Variants in TAFA1 observed in about 807,000 individuals in gnomAD.
The protein encoded by TAFA1 is TAFA chemokine like family member 1.
A neutral mutation model predicts 18.5 loss-of-function variants in TAFA1; 4 were observed. That is an observed-to-expected ratio of 0.22 (90% CI 0.11 to 0.49). The LOEUF is 0.49. Ranked by LOEUF, TAFA1 falls within the 20% of genes least tolerant of loss-of-function variation. The probability of loss-of-function intolerance (pLI) is 0.98; values close to 1 mark genes in which losing one functional copy is unlikely to be tolerated. For synonymous variants in TAFA1, 56 were observed against 55.2 expected, an observed-to-expected ratio of 1.01 and a Z score of -0.06; for missense variants, 147 against 169.0, an observed-to-expected ratio of 0.87 and a Z score of 0.72.
intron 2 of TAFA1, among the ~76,000 whole-genome samples, chr3:68,203,343 C>T (rs1306664638): frequency 6.6e-6 from 1 of 151,594 alleles, no homozygotes; most frequent in African/African-American, 2.4e-5. Flanking sequence ...TGGTGTCTGA[C>T]ATTAATTTGA....
At chr3:68,510,885 T>C (rs2072836197) in intron 3 of TAFA1, among the ~76,000 whole-genome samples, 1 of 152,162 alleles carries the variant, frequency 6.6e-6, no homozygotes, top group East Asian at 1.9e-4. Context: ...GCAAGTTAAT[T>C]TTCTTGTTTG....
chr3:68,127,227 C>T (rs1290447934), intron 2 of TAFA1, among the ~76,000 whole-genome samples: 1 of 152,024 alleles, frequency 6.6e-6, no homozygotes, highest in Non-Finnish European at 1.5e-5. Flanking sequence ...TATAGATAAA[C>T]TTTAAAAAGA....
intron 2 of TAFA1, among the ~76,000 whole-genome samples, chr3:68,260,836 A>T (rs1403457221): frequency 1.3e-5 from 2 of 152,178 alleles, no homozygotes; most frequent in Non-Finnish European, 2.9e-5. Flanking sequence ...AACCTAGGCA[A>T]TACCATTCAG....
intron 2 of TAFA1, among the ~76,000 whole-genome samples, chr3:68,379,166 G>A (rs2106662195): frequency 6.6e-6 from 1 of 152,226 alleles, no homozygotes; most frequent in South Asian, 2.1e-4. Flanking sequence ...AACCATGCTA[G>A]CATCTGTTAT....
At chr3:68,402,233 T>C (rs1559653379) in intron 2 of TAFA1, among the ~76,000 whole-genome samples, 1 of 152,114 alleles carries the variant, frequency 6.6e-6, no homozygotes, top group Non-Finnish European at 1.5e-5. Context: ...TGCTCATTGA[T>C]TCATGCAAAC....
intron 2 of TAFA1, among the ~76,000 whole-genome samples, chr3:68,015,299 T>TC (rs1704547158): frequency 6.6e-6 from 1 of 151,566 alleles, no homozygotes. Flanking sequence ...TTCCTTTTTT[T>TC]TTTTGAGACG....
At chr3:68,015,355 C>T (rs963084818) in intron 2 of TAFA1, among the ~76,000 whole-genome samples, 2 of 149,886 alleles carry the variant, frequency 1.3e-5, no homozygotes, top group Non-Finnish European at 2.9e-5. Flanking sequence ...GGCATGCTCT[C>T]GGCTCACTGC....
At chr3:68,086,318 A>AT (rs1425181192) in intron 2 of TAFA1, among the ~76,000 whole-genome samples, 1 of 152,202 alleles carries the variant, frequency 6.6e-6, no homozygotes, top group Non-Finnish European at 1.5e-5. Context: ...ACTGTGTAGA[A>AT]TACAGGGTAT....
At chr3:68,067,997 C>T (rs2064704045) in intron 2 of TAFA1, among the ~76,000 whole-genome samples, 1 of 152,254 alleles carries the variant, frequency 6.6e-6, no homozygotes. Flanking sequence ...TGTCGGCCTC[C>T]ATAACACTCC....
chr3:68,190,223 G>A (rs1234322810), intron 2 of TAFA1, among the ~76,000 whole-genome samples: 1 of 151,796 alleles, frequency 6.6e-6, no homozygotes, highest in East Asian at 1.9e-4. Flanking sequence ...TTACCCTGTA[G>A]TGAAAGAGAT....
intron 2 of TAFA1, among the ~76,000 whole-genome samples, chr3:68,319,692 TC>T (rs1299794417): frequency 6.6e-6 from 1 of 152,168 alleles, no homozygotes; most frequent in Non-Finnish European, 1.5e-5. Context: ...CTTTTTCATG[TC>T]CCCATCCCAA....
chr3:68,307,375 C>G (rs1264367149), intron 2 of TAFA1, among the ~76,000 whole-genome samples: 5 of 152,134 alleles, frequency 3.3e-5, no homozygotes, highest in Non-Finnish European at 7.4e-5. Context: ...CATCCCATTG[C>G]TGGTCTAGAG....
intron 2 of TAFA1, among the ~76,000 whole-genome samples, chr3:68,165,589 C>T (rs1313670365): frequency 1.3e-5 from 2 of 152,200 alleles, no homozygotes; most frequent in Non-Finnish European, 2.9e-5. Flanking sequence ...CTCAAATTGC[C>T]TAAAGTCTGT....
At chr3:68,466,792 G>C (rs531723677) in intron 3 of TAFA1, among the ~76,000 whole-genome samples, 5 of 152,154 alleles carry the variant, frequency 3.3e-5, no homozygotes, top group African/African-American at 4.8e-5. Flanking sequence ...TTCAACGTAG[G>C]TTCTTTTCTA....
chr3:68,002,824 T>C (rs1704298600), upstream of TAFA1, among the ~76,000 whole-genome samples: 1 of 151,818 alleles, frequency 6.6e-6, no homozygotes, highest in Non-Finnish European at 1.5e-5. Context: ...ACATTCCCCA[T>C]CTGTGAAACA....
At chr3:68,126,237 C>T (rs1216850237) in intron 2 of TAFA1, among the ~76,000 whole-genome samples, 1 of 152,182 alleles carries the variant, frequency 6.6e-6, no homozygotes, top group African/African-American at 2.4e-5. Context: ...CTCCCCAGTG[C>T]CTACCACAGC....
the TAFA1 span, among the ~76,000 whole-genome samples, chr3:67,995,806 A>G: frequency 6.6e-6 from 1 of 152,272 alleles, no homozygotes; most frequent in East Asian, 1.9e-4. Flanking sequence ...ACACCCATAC[A>G]CATACAGACA....
chr3:68,361,398 T>C (rs536288787), intron 2 of TAFA1, among the ~76,000 whole-genome samples: 36 of 151,780 alleles, frequency 2.4e-4, no homozygotes, highest in Non-Finnish European at 4.7e-4. Flanking sequence ...GGTACAAACA[T>C]AGACAAAAAA....
chr3:68,270,797 A>G (rs906268708), intron 2 of TAFA1, among the ~76,000 whole-genome samples: 1 of 152,198 alleles, frequency 6.6e-6, no homozygotes, highest in African/African-American at 2.4e-5. Flanking sequence ...TGGATTAAAC[A>G]GAAGACAAAA....
Sources: gnomAD v4.1 joint callset for allele counts (sites outside exome capture counted in the v4.1 genomes callset) on GRCh38, gnomAD v4.1.1 for gene constraint, MANE v1.5 for transcripts, NCBI Gene and HGNC (gene_info 2026-07-23, HGNC 2026-07-21) for gene names.